Variants in CTNNA3 observed in about 807,000 individuals in gnomAD.
The protein encoded by CTNNA3 is catenin alpha-3.
A neutral mutation model predicts 95.7 loss-of-function variants in CTNNA3; 76 were observed. The ratio of observed to expected loss-of-function variants is 0.79; its 90% confidence interval spans 0.66 to 0.96. The LOEUF (loss-of-function observed/expected upper bound fraction) is 0.96. Ranked by LOEUF, CTNNA3 falls within the 40% of genes least tolerant of loss-of-function variation. The pLI is 0.00. For missense variants in CTNNA3, 1,191 were observed against 1,089.8 expected, an observed-to-expected ratio of 1.09 and a Z score of -1.31; for synonymous variants, 431 against 374.4, an observed-to-expected ratio of 1.15 and a Z score of -1.74.
intron 10 of CTNNA3, among the ~76,000 whole-genome samples, chr10:66,554,513 A>G (rs1298041705): frequency 6.6e-6 from 1 of 152,154 alleles, no homozygotes; most frequent in African/African-American, 2.4e-5. Flanking sequence ...TATTTTTAAT[A>G]GCTGTTACTC....
At chr10:67,046,134 T>C (rs1854729704) in intron 7 of CTNNA3, among the ~76,000 whole-genome samples, 1 of 152,218 alleles carries the variant, frequency 6.6e-6, no homozygotes, top group South Asian at 2.1e-4. Flanking sequence ...TGGACTCGGT[T>C]ATCCACATAA....
At chr10:66,583,178 C>A (rs1843248488) in intron 10 of CTNNA3, among the ~76,000 whole-genome samples, 1 of 151,708 alleles carries the variant, frequency 6.6e-6, no homozygotes, top group Admixed American at 6.6e-5. Flanking sequence ...GGATTCTCTT[C>A]TTCTCAATCT....
At chr10:67,661,088 T>C (rs1290271677) in intron 1 of CTNNA3, among the ~76,000 whole-genome samples, 2 of 152,090 alleles carry the variant, frequency 1.3e-5, no homozygotes, top group African/African-American at 2.4e-5. Flanking sequence ...TAAAACATTA[T>C]CCCTATGGAG....
chr10:67,039,918 G>A (rs1189060380), intron 7 of CTNNA3, among the ~76,000 whole-genome samples: 1 of 152,032 alleles, frequency 6.6e-6, no homozygotes, highest in Non-Finnish European at 1.5e-5. Context: ...AGAAGTTTTG[G>A]AGATAGCCAA....
chr10:66,687,169 C>G (rs1298925816), intron 9 of CTNNA3, among the ~76,000 whole-genome samples: 1 of 151,958 alleles, frequency 6.6e-6, no homozygotes. Context: ...AGGGTACATT[C>G]ATTTCCTATC....
chr10:67,243,383 G>A (rs1025387846), intron 5 of CTNNA3, among the ~76,000 whole-genome samples: 2 of 152,058 alleles, frequency 1.3e-5, no homozygotes, highest in African/African-American at 4.8e-5. Context: ...GAAATAATTA[G>A]GGATAAAATT....
intron 7 of CTNNA3, among the ~76,000 whole-genome samples, chr10:66,970,997 A>T (rs1213172689): frequency 6.6e-6 from 1 of 152,122 alleles, no homozygotes; most frequent in Non-Finnish European, 1.5e-5. Flanking sequence ...TCTTCTTTTC[A>T]TGCAAGTTTA....
chr10:66,522,517 C>T (rs74506421), intron 10 of CTNNA3, among the ~76,000 whole-genome samples: 4,005 of 151,918 alleles, frequency 0.026, 186 homozygotes, highest in African/African-American at 0.091. Flanking sequence ...AGGGGATTTT[C>T]CCCTTTTGCT....
intron 7 of CTNNA3, among the ~76,000 whole-genome samples, chr10:67,142,530 AT>A (rs201172358): frequency 1.3e-5 from 2 of 152,082 alleles, no homozygotes; most frequent in Non-Finnish European, 1.5e-5. Flanking sequence ...AGTCACATGG[AT>A]TTTTTTGGTT....
chr10:66,579,156 G>A (rs1287119363), intron 10 of CTNNA3, among the ~76,000 whole-genome samples: 1 of 151,454 alleles, frequency 6.6e-6, no homozygotes, highest in Non-Finnish European at 1.5e-5. Flanking sequence ...AGGATTTTTT[G>A]TATTTCTTTG....
chr10:67,130,587 T>C (rs1322933571), intron 7 of CTNNA3, among the ~76,000 whole-genome samples: 3 of 152,120 alleles, frequency 2.0e-5, no homozygotes, highest in African/African-American at 7.2e-5. Context: ...TGAAGAAATA[T>C]ACTCAATACA....
chr10:67,102,347 A>AACACAC (rs113804283), intron 7 of CTNNA3, among the ~76,000 whole-genome samples: 9,129 of 151,072 alleles, frequency 0.06, 866 homozygotes, highest in African/African-American at 0.2. Flanking sequence ...AAACCAAGCA[A>AACACAC]ACACACACAC....
intron 15 of CTNNA3, among the ~76,000 whole-genome samples, chr10:66,019,411 GA>G (rs2133418518): frequency 6.6e-6 from 1 of 152,092 alleles, no homozygotes; most frequent in Admixed American, 6.5e-5. Flanking sequence ...CCTTCATGTT[GA>G]AGGATATAGA....
chr10:66,829,490 G>A (rs755879487), intron 7 of CTNNA3, among the ~76,000 whole-genome samples: 4 of 151,722 alleles, frequency 2.6e-5, no homozygotes, highest in Non-Finnish European at 5.9e-5. Flanking sequence ...GCACACACCT[G>A]TAATCCCAGC....
At chr10:67,465,792 C>A (rs1054455173) in intron 5 of CTNNA3, among the ~76,000 whole-genome samples, 1 of 152,130 alleles carries the variant, frequency 6.6e-6, no homozygotes, top group African/African-American at 2.4e-5. Context: ...CTGTACTGCA[C>A]ATGCACAAAA....
intron 11 of CTNNA3, among the ~76,000 whole-genome samples, chr10:66,397,450 T>C (rs553918692): frequency 3.3e-5 from 5 of 151,954 alleles, no homozygotes; most frequent in African/African-American, 1.2e-4. Flanking sequence ...CACCAAATGA[T>C]AGTAATTCCA....
intron 13 of CTNNA3, among the ~76,000 whole-genome samples, chr10:66,204,386 A>G (rs1453162379): frequency 7.9e-5 from 12 of 152,156 alleles, no homozygotes; most frequent in Non-Finnish European, 1.6e-4. Context: ...AGGGACAGAA[A>G]ATATCAGGTT....
At chr10:67,564,285 C>T (rs1238791265) in intron 3 of CTNNA3, among the ~76,000 whole-genome samples, 2 of 149,674 alleles carry the variant, frequency 1.3e-5, no homozygotes, top group East Asian at 1.9e-4. Flanking sequence ...AAATGTGGCA[C>T]ATATAATCCA....
intron 7 of CTNNA3, among the ~76,000 whole-genome samples, chr10:66,849,378 C>T (rs1374875258): frequency 6.6e-6 from 1 of 151,912 alleles, no homozygotes; most frequent in Admixed American, 6.6e-5. Flanking sequence ...CTTGTTGTTC[C>T]CTTATGTTTG....
Sources: gnomAD v4.1 joint callset for allele counts (sites outside exome capture counted in the v4.1 genomes callset) on GRCh38, gnomAD v4.1.1 for gene constraint, MANE v1.5 for transcripts, NCBI Gene and HGNC (gene_info 2026-07-23, HGNC 2026-07-21) for gene names.